The following DAB1 variants were observed in gnomAD, a reference collection of about 807,000 sequenced individuals.
The protein encoded by DAB1 is DAB adaptor protein 1.
Under a neutral mutation model 64.6 loss-of-function variants are expected in DAB1, and 15 were observed. The ratio of observed to expected loss-of-function variants is 0.23; its 90% CI spans 0.16 to 0.36. The LOEUF (loss-of-function observed/expected upper bound fraction) is 0.36, where lower values mean the gene tolerates loss of function less well. Ranked by LOEUF, DAB1 falls within the 10% of genes least tolerant of loss-of-function variation. The pLI is 1.00. For missense variants in DAB1, 596 were observed against 706.7 expected, an observed-to-expected ratio of 0.84 and a Z score of 1.78; for synonymous variants, 235 against 251.9, an observed-to-expected ratio of 0.93 and a Z score of 0.64.
chr1:57,402,191 T>C (rs1433023004), intron 1 of DAB1, among the ~76,000 whole-genome samples: 1 of 152,208 alleles, frequency 6.6e-6, no homozygotes, highest in Non-Finnish European at 1.5e-5. Context: ...AATATTAATT[T>C]GCTGATATGC....
intron 5 of DAB1, among the ~76,000 whole-genome samples, chr1:58,137,611 C>A (rs1654021273): frequency 6.6e-6 from 1 of 152,144 alleles, no homozygotes; most frequent in East Asian, 1.9e-4. Context: ...CCATCCATCC[C>A]CCATTTATTC....
intron 3 of DAB1, among the ~76,000 whole-genome samples, chr1:57,140,425 A>G (rs537307): frequency 0.21 from 32,617 of 152,082 alleles, 4,678 homozygotes; most frequent in African/African-American, 0.4. Context: ...AAAGTCAAAC[A>G]GTGATCTTTC....
intron 7 of DAB1, among the ~76,000 whole-genome samples, chr1:57,522,046 G>A (rs765645705): frequency 1.3e-5 from 2 of 152,026 alleles, no homozygotes; most frequent in African/African-American, 4.8e-5. Context: ...GGTGGTGGAG[G>A]TTGCAGTGAG....
chr1:57,423,562 T>C (rs1265232556), intron 1 of DAB1, among the ~76,000 whole-genome samples: 1 of 151,440 alleles, frequency 6.6e-6, no homozygotes, highest in East Asian at 2.0e-4. Context: ...AGGTCCGATA[T>C]AGCCAGGACC....
intron 3 of DAB1, among the ~76,000 whole-genome samples, chr1:58,441,940 C>T (rs968565371): frequency 6.6e-6 from 1 of 152,048 alleles, no homozygotes; most frequent in Non-Finnish European, 1.5e-5. Context: ...CGAAAGAGAC[C>T]GAGGGGGCGA....
intron 2 of DAB1, among the ~76,000 whole-genome samples, chr1:57,168,360 T>A (rs553366653): frequency 1.3e-5 from 2 of 152,356 alleles, no homozygotes; most frequent in South Asian, 4.1e-4. Flanking sequence ...TTCCCTGCTC[T>A]TGTGGAGATC....
intron 5 of DAB1, among the ~76,000 whole-genome samples, chr1:58,140,110 T>G (rs1459980037): frequency 6.6e-6 from 1 of 152,168 alleles, no homozygotes; most frequent in Non-Finnish European, 1.5e-5. Flanking sequence ...TGAGTGTCCT[T>G]TTTTCTTCAA....
intron 3 of DAB1, among the ~76,000 whole-genome samples, chr1:58,458,947 A>T (rs998636955): frequency 9.2e-5 from 14 of 152,260 alleles, no homozygotes; most frequent in African/African-American, 2.6e-4. Flanking sequence ...TCATATGGTC[A>T]CTTGATATTA....
At chr1:57,837,644 T>G (rs190070834) in intron 1 of DAB1, among the ~76,000 whole-genome samples, 1 of 152,252 alleles carries the variant, frequency 6.6e-6, no homozygotes, top group African/African-American at 2.4e-5. Context: ...AAAATCCTCA[T>G]TATCTGGATA....
chr1:58,182,838 G>C (rs541447835), intron 4 of DAB1, among the ~76,000 whole-genome samples: 1 of 151,980 alleles, frequency 6.6e-6, no homozygotes, highest in Admixed American at 6.6e-5. Flanking sequence ...CTGAGTATGG[G>C]TCATATTTTC....
At chr1:58,043,735 T>A (rs1315724232) in intron 5 of DAB1, among the ~76,000 whole-genome samples, 2 of 126,770 alleles carry the variant, frequency 1.6e-5, no homozygotes, top group South Asian at 2.3e-4. Flanking sequence ...ACAACCCACA[T>A]TTTTTTTTTT....
chr1:57,655,065 G>A lies in DAB1; in HGVS notation n.552-5400C>T, dbSNP rs201155666. Among the ~76,000 whole-genome samples, 22 of 152,234 alleles carry A rather than the reference G, an allele frequency of 1.4e-4. No homozygotes were observed. In the East Asian group the frequency reaches 4.2e-3, roughly 29 times the overall value. ...ACAAAGTTTCTACTACACACAGTCTGTTTTGGGGCTGTATATTTTGTTCCA... is the reference window on the plus strand; with the variant it reads ...ACAAAGTTTCTACTACACACAGTCTATTTTGGGGCTGTATATTTTGTTCCA... On this transcript the variant is annotated intron_variant and non_coding_transcript_variant, in intron 6 of 20. Coordinates refer to the DAB1 transcript ENST00000485760.
chr1:57,078,536 T>A (rs1652197565), intron 4 of DAB1, among the ~76,000 whole-genome samples: 1 of 152,184 alleles, frequency 6.6e-6, no homozygotes. Context: ...TAATACCCAA[T>A]ATTGACCAAA....
intron 9 of DAB1, among the ~76,000 whole-genome samples, chr1:57,029,166 C>A (rs1052845296): frequency 1.3e-5 from 2 of 152,190 alleles, no homozygotes; most frequent in African/African-American, 4.8e-5. Context: ...CCCAGCCACT[C>A]TAGCTGTGGC....
intron 2 of DAB1, among the ~76,000 whole-genome samples, chr1:57,271,819 G>A (rs559053690): frequency 6.6e-5 from 10 of 152,286 alleles, no homozygotes; most frequent in African/African-American, 2.2e-4. Flanking sequence ...TCCACAGGGT[G>A]GGCTGTAATC....
In DAB1 at chr1:57,329,272, C is replaced by T. The variant is rs1188398719; in HGVS notation, c.-136-38106G>A. ...TCCCAGGCAGCCTGCTTTCCAGCCTCATCCTCCTTCCTCCCTCCAAAGCCC... is the reference window on the plus strand; with the variant it reads ...TCCCAGGCAGCCTGCTTTCCAGCCTTATCCTCCTTCCTCCCTCCAAAGCCC... On this transcript the variant is annotated intron_variant, in intron 1 of 14. Transcript: ENST00000371236. Among the ~76,000 whole-genome samples the T allele has an allele frequency of 2.0e-5, 3 of 152,318 alleles. No individual in the cohort carries two copies. The East Asian group carries it at 5.8e-4, about 29-fold the overall frequency.
chr1:57,049,921 G>A (rs1245212344), intron 9 of DAB1, among the ~76,000 whole-genome samples: 1 of 152,152 alleles, frequency 6.6e-6, no homozygotes, highest in Non-Finnish European at 1.5e-5. Context: ...CAGTATTTGT[G>A]GCAGTGGCTG....
At chr1:57,798,308 C>T (rs963195396) in intron 6 of DAB1, among the ~76,000 whole-genome samples, 6 of 152,164 alleles carry the variant, frequency 3.9e-5, no homozygotes, top group African/African-American at 9.7e-5. Flanking sequence ...TAAGGGCAAA[C>T]CTGAGTGGGG....
At chr1:57,663,519 C>G (rs979530507) in intron 6 of DAB1, among the ~76,000 whole-genome samples, 1 of 152,168 alleles carries the variant, frequency 6.6e-6, no homozygotes, top group African/African-American at 2.4e-5. Context: ...ACAGGTATGA[C>G]TTGATGTTTC....
Sources: allele counts gnomAD v4.1 joint callset (sites outside exome capture counted in the v4.1 genomes callset), GRCh38; gene constraint gnomAD v4.1.1; transcripts MANE v1.5; gene names NCBI Gene and HGNC (gene_info 2026-07-23, HGNC 2026-07-21).